COQ6: variants seen among roughly 807,000 people sequenced by gnomAD.
COQ6 encodes coenzyme Q6, monooxygenase, also known as ubiquinone biosynthesis monooxygenase COQ6, mitochondrial.
Under a neutral mutation model 55.5 loss-of-function variants are expected in COQ6, and 45 were observed. The ratio of observed to expected loss-of-function variants is 0.81; its 90% CI spans 0.64 to 1.04. The LOEUF is 1.04. Ranked by LOEUF, COQ6 falls within the 50% of genes least tolerant of loss-of-function variation. COQ6 has a pLI of 0.00. For missense variants in COQ6, 550 were observed against 601.3 expected (o/e 0.91, Z 0.89); for synonymous variants, 206 against 230.5 (o/e 0.89, Z 0.96).
At chr14:73,952,195 T>C (rs2056230725) in intron 1 of COQ6, among the ~76,000 whole-genome samples, 1 of 131,456 alleles carries the variant, frequency 7.6e-6, no homozygotes. Flanking sequence ...GGATCCCAGC[T>C]CACTGCAACC....
chr14:73,954,211 C>T (rs1452859866), intron 2 of COQ6, among the ~76,000 whole-genome samples: 2 of 152,202 alleles, frequency 1.3e-5, no homozygotes, highest in Non-Finnish European at 2.9e-5. Flanking sequence ...GGACTTTGTC[C>T]ATTGGTTTCC....
intron 4 of COQ6, among the ~76,000 whole-genome samples, chr14:73,957,795 T>G (rs1328401803): frequency 6.6e-6 from 1 of 152,188 alleles, no homozygotes. Context: ...AAATCTTTTG[T>G]AGTCTAGGAT....
At position 73,960,294 on chromosome 14, in the gene COQ6, G is replaced by T. The variant is rs1044286007; in HGVS notation, c.891+772G>T. The T allele has an allele frequency of 1.0e-5, 10 of 985,710 alleles. No individual in the cohort carries two copies. In the African/African-American group the frequency reaches 1.6e-4, roughly 15 times the overall value. The allele number at this position is 985,710 out of a possible 1,614,324, so 61.1% of individuals were successfully genotyped here. A position where few individuals can be genotyped will look rare whatever the true frequency, so the allele number is the denominator to read the frequency against. On this transcript the variant is annotated intron_variant, in intron 8 of 11. Coordinates refer to ENST00000334571, the MANE Select transcript of COQ6 (RefSeq NM_182476.3). The stretch of plus-strand genomic sequence containing the variant: ...TTGAATAAAGACTTTCAAAATGAGA[G>T]AACTTTTGTAAAATCCATGGAACAT...
chr14:73,955,611 C>A, intron 3 of COQ6, 102 bp downstream of exon 3: 1 of 1,365,464 alleles, frequency 7.3e-7, no homozygotes, highest in Non-Finnish European at 1.0e-6. Flanking sequence ...AGGAATCAGA[C>A]AAGGTTCACA....
At chr14:73,960,968 G>C in intron 8 of COQ6, 1 of 678,770 alleles carries the variant, frequency 1.5e-6, no homozygotes, top group South Asian at 1.7e-5. Context: ...GCCAGCTCAT[G>C]TACAGTTTGG....
rs2056272878 is a variant in COQ6 at position 73,953,355 on chromosome 14, G to A, written c.164-80G>A. ...GAAATTCATATTCTAAGGGTTAAGTGGTTACTCTGTTGTTTCTCTTGGTAA... is the reference window on the plus strand; with the variant it reads ...GAAATTCATATTCTAAGGGTTAAGTAGTTACTCTGTTGTTTCTCTTGGTAA... On this transcript the variant is annotated intron_variant, in intron 1 of 11. Coordinates refer to ENST00000334571, the MANE Select transcript of COQ6 (RefSeq NM_182476.3). The A allele has an allele frequency of 4.2e-6, 5 of 1,202,962 alleles. No individual in the cohort carries two copies. In the Admixed American group the frequency reaches 6.8e-5, roughly 16 times the overall value. 74.5% of individuals were successfully genotyped at this position (1,202,962 alleles called of 1,614,324 possible).
rs572871584 is a variant in COQ6 at position 73,956,141 on chromosome 14, G to T, written c.481+213G>T. The T allele has an allele frequency of 8.0e-6, 4 of 502,444 alleles. No homozygotes were observed. The East Asian group carries it at 1.3e-4, about 17-fold the overall frequency. 31.1% of individuals were successfully genotyped at this position (502,444 alleles called of 1,614,324 possible). On this transcript the variant is annotated intron_variant, in intron 4 of 11. Transcript: ENST00000334571. ...AGATGGAGACCATCCTGGCTAACATGGTGAAACCCTGTCTCTACTAAAAAT... is the reference window on the plus strand; with the variant it reads ...AGATGGAGACCATCCTGGCTAACATTGTGAAACCCTGTCTCTACTAAAAAT...
Position 73,961,578 on chromosome 14 carries a change from T to A in COQ6, c.1210+8T>A. 1 of 1,613,912 alleles carries A rather than the reference T, an allele frequency of 6.2e-7. No individual in the cohort carries two copies. The highest frequency in any genetic ancestry group is 8.5e-7 in the Non-Finnish European group (1 of 1,179,802). Reference sequence around the variant, plus strand: ...TCAATGGGAAGGACTTAGGTAAGGATTCAGATACTATGGGGAAGTATCCAG... The same window carrying A: ...TCAATGGGAAGGACTTAGGTAAGGAATCAGATACTATGGGGAAGTATCCAG... On this transcript the variant is annotated splice_region_variant and intron_variant, in intron 10 of 11. Coordinates refer to ENST00000334571, the MANE Select transcript of COQ6 (RefSeq NM_182476.3).
chr14:73,960,429 C>T (rs2140412301), intron 8 of COQ6: 1 of 988,284 alleles, frequency 1.0e-6, no homozygotes, highest in East Asian at 1.1e-4. Context: ...ACACTCAAAG[C>T]CTGCTACCTT....
In COQ6 at chr14:73,958,661, A is replaced by G. The variant is rs1390493755; in HGVS notation, c.613-310A>G. ...CCATTCCTAACCCTACATCAGAACTATTCAGCTCCAGTGTGTGCCCCATAC... is the reference window on the plus strand; with the variant it reads ...CCATTCCTAACCCTACATCAGAACTGTTCAGCTCCAGTGTGTGCCCCATAC... On this transcript the variant is annotated intron_variant, in intron 5 of 11. Transcript: ENST00000334571. The G allele has an allele frequency of 3.8e-6, 5 of 1,311,008 alleles. No homozygotes were observed. The South Asian group carries it at 4.6e-5, about 12-fold the overall frequency. 81.2% of individuals were successfully genotyped at this position (1,311,008 alleles called of 1,614,324 possible).
intron 8 of COQ6, chr14:73,960,097 T>C (rs1175513271): frequency 1.4e-5 from 14 of 1,000,736 alleles, no homozygotes; most frequent in African/African-American, 8.7e-5. Flanking sequence ...GCTGTAACAC[T>C]TGGATTATTT....
Position 73,953,457 on chromosome 14 carries a change from C to G in COQ6, c.186C>G (p.Asp62Glu), listed in dbSNP as rs1566682620. ...AAGGATATGATATTCACTTTCATGA[C>G]AAGAAAATCCTGTTGCTCGAAGCAG... ...CALGYDIHFH[D>E]KKILLLEAGP... Residue 62 changes from aspartate (D) to glutamate (E), a missense_variant, in exon 2 of 12, where the codon GAC becomes GAG. Physicochemically the swap from Asp to Glu is conservative, Grantham distance 45. Transcript: ENST00000334571. The G allele has an allele frequency of 1.2e-6, 2 of 1,613,640 alleles. No homozygotes were observed. The highest frequency in any genetic ancestry group is 8.5e-7 in the Non-Finnish European group (1 of 1,179,698).
In COQ6 at chr14:73,963,085, A is replaced by G; in HGVS notation, c.*86A>G. ...CATACATATTTTCAAGATCTTATTT[A>G]ATTTAATAAACTTACTTTACATTAA... On this transcript the variant is annotated 3_prime_UTR_variant, in exon 12 of 12. Coordinates refer to ENST00000334571, the MANE Select transcript of COQ6 (RefSeq NM_182476.3). 1 of 1,120,854 alleles carries G rather than the reference A, an allele frequency of 8.9e-7. No homozygotes were observed. Among genetic ancestry groups the G allele is most frequent in the Non-Finnish European group, 1.4e-6 (1 of 734,602 alleles). 69.4% of individuals were successfully genotyped at this position (1,120,854 alleles called of 1,614,324 possible).
rs1322466950 is a variant in COQ6 at position 73,959,421 on chromosome 14, G to C, written c.790G>C (p.Asp264His). 1 of 1,614,202 alleles carries C rather than the reference G, an allele frequency of 6.2e-7. No individual in the cohort carries two copies. The change falls in exon 8 of 12, where the codon GAC becomes CAC. Residue 264 changes from aspartate to histidine, a missense_variant. Coordinates refer to ENST00000334571, the MANE Select transcript of COQ6 (RefSeq NM_182476.3). ...SGPIALLPLS[D>H]TLSSLVWSTS... ...TGGTGTTCTTTTGACACAGCTCTCA[G>C]ACACCTTGAGTTCCTTGGTTTGGTC...
chr14:73,957,838 A>G (rs540157054), intron 4 of COQ6, among the ~76,000 whole-genome samples: 2 of 152,288 alleles, frequency 1.3e-5, no homozygotes, highest in Admixed American at 1.3e-4. Context: ...CAGCCTGTCT[A>G]CTGTAAAAGC....
chr14:73,962,400 A>T (rs1393112086), intron 11 of COQ6, among the ~76,000 whole-genome samples: 1 of 152,178 alleles, frequency 6.6e-6, no homozygotes, highest in Non-Finnish European at 1.5e-5. Flanking sequence ...AAAAGGGCTT[A>T]AAAATAGTGA....
intron 8 of COQ6, chr14:73,960,198 T>C (rs2056648770): frequency 1.0e-6 from 1 of 988,582 alleles, no homozygotes; most frequent in Non-Finnish European, 1.2e-6. Context: ...AATTTCAGCA[T>C]GGGGCTTAAG....
intron 7 of COQ6, 48 bp downstream of exon 7, chr14:73,959,272 C>G (rs2140403052): frequency 6.2e-7 from 1 of 1,614,218 alleles, no homozygotes; most frequent in Non-Finnish European, 8.5e-7. Flanking sequence ...CAAGCCTTTC[C>G]TCTTCACTTT....
chr14:73,953,689 A>G lies in COQ6; in HGVS notation c.298+120A>G, dbSNP rs1271353443. ...GGAGGGAGCTCACTGAGGTGGGTGG[A>G]GAGAGGGGGTGGGATTGGTAGTCTA... On this transcript the variant is annotated intron_variant, in intron 2 of 11. Transcript: ENST00000334571. 7 of 1,344,580 alleles carry G rather than the reference A, an allele frequency of 5.2e-6. No homozygotes were observed. In the Admixed American group the frequency reaches 8.6e-5, roughly 17 times the overall value. The allele number at this position is 1,344,580 out of a possible 1,614,324, so 83.3% of individuals were successfully genotyped here.
Sources: gnomAD v4.1 joint callset for allele counts (sites outside exome capture counted in the v4.1 genomes callset) on GRCh38, gnomAD v4.1.1 for gene constraint, MANE v1.5 for transcripts, NCBI Gene and HGNC (gene_info 2026-07-23, HGNC 2026-07-21) for gene names.